The following TAFA1 variants were observed in gnomAD, a reference collection of about 807,000 sequenced individuals.
The protein encoded by TAFA1 is TAFA chemokine like family member 1.
A neutral mutation model predicts 18.5 loss-of-function variants in TAFA1; 4 were observed. That is an observed-to-expected ratio of 0.22 (90% CI 0.11 to 0.49). The LOEUF (loss-of-function observed/expected upper bound fraction) is 0.49, where lower values mean the gene tolerates loss of function less well. TAFA1 is among the 20% of genes least tolerant of loss of function. TAFA1 has a pLI of 0.98. For missense variants in TAFA1, 147 were observed against 169.0 expected (o/e 0.87, Z 0.72); for synonymous variants, 56 against 55.2 (o/e 1.01, Z -0.06).
chr3:68,436,857 T>A (rs892134909), intron 3 of TAFA1, among the ~76,000 whole-genome samples: 13 of 152,188 alleles, frequency 8.5e-5, no homozygotes, highest in African/African-American at 2.4e-4. Context: ...ACACCTTGGC[T>A]CTTGTTAACA....
At chr3:68,099,491 A>C (rs901725255) in intron 2 of TAFA1, among the ~76,000 whole-genome samples, 1 of 152,166 alleles carries the variant, frequency 6.6e-6, no homozygotes, top group Admixed American at 6.5e-5. Flanking sequence ...TATTATTAAA[A>C]AGTCAAAGAC....
intron 2 of TAFA1, among the ~76,000 whole-genome samples, chr3:68,394,174 C>T (rs567125819): frequency 1.3e-3 from 191 of 152,152 alleles, no homozygotes; most frequent in African/African-American, 4.4e-3. Context: ...CAAACAGAGC[C>T]AAATCATGAG....
chr3:68,079,920 G>A (rs2064875011), intron 2 of TAFA1, among the ~76,000 whole-genome samples: 1 of 151,968 alleles, frequency 6.6e-6, no homozygotes, highest in Non-Finnish European at 1.5e-5. Flanking sequence ...GGGTGTTAAA[G>A]TCTCCCATTA....
chr3:68,351,563 C>T (rs1210615457), intron 2 of TAFA1, among the ~76,000 whole-genome samples: 1 of 152,034 alleles, frequency 6.6e-6, no homozygotes, highest in Admixed American at 6.6e-5. Flanking sequence ...CTCGGAGTAG[C>T]TCTCTAAGAG....
chr3:68,173,333 A>T (rs180945851), intron 2 of TAFA1, among the ~76,000 whole-genome samples: 1 of 147,120 alleles, frequency 6.8e-6, no homozygotes, highest in Non-Finnish European at 1.5e-5. Context: ...AAATAAATAT[A>T]TATTCTGTCA....
chr3:68,374,738 T>C (rs1411484812), intron 2 of TAFA1, among the ~76,000 whole-genome samples: 1 of 152,210 alleles, frequency 6.6e-6, no homozygotes, highest in African/African-American at 2.4e-5. Context: ...AGTCGGTTAC[T>C]TCCAGGTCTC....
intron 2 of TAFA1, among the ~76,000 whole-genome samples, chr3:68,379,625 G>T (rs1216637142): frequency 5.9e-5 from 9 of 151,778 alleles, no homozygotes; most frequent in African/African-American, 1.9e-4. Context: ...TTAGAGGTTT[G>T]GGTTTTACAC....
chr3:68,133,546 G>A (rs1315968657), intron 2 of TAFA1, among the ~76,000 whole-genome samples: 1 of 152,128 alleles, frequency 6.6e-6, no homozygotes, highest in Non-Finnish European at 1.5e-5. Context: ...ATTTCCTCAA[G>A]CAGTGGTTTG....
chr3:68,366,677 G>A (rs538229652), intron 2 of TAFA1, among the ~76,000 whole-genome samples: 7 of 152,236 alleles, frequency 4.6e-5, no homozygotes, highest in South Asian at 2.1e-4. Flanking sequence ...CTTTGGACTC[G>A]GGACAGGTTA....
intron 2 of TAFA1, among the ~76,000 whole-genome samples, chr3:68,405,459 G>A (rs895842235): frequency 6.6e-6 from 1 of 151,670 alleles, no homozygotes; most frequent in African/African-American, 2.4e-5. Flanking sequence ...TTGAACCTAG[G>A]AGATCGAGAC....
At chr3:68,249,518 G>A (rs2067150428) in intron 2 of TAFA1, among the ~76,000 whole-genome samples, 1 of 152,130 alleles carries the variant, frequency 6.6e-6, no homozygotes, top group African/African-American at 2.4e-5. Flanking sequence ...AGCATAAGAA[G>A]AGTGGTGTTT....
chr3:68,145,451 G>T (rs2065727240), intron 2 of TAFA1: 9 of 871,352 alleles, frequency 1.0e-5, no homozygotes, highest in South Asian at 9.2e-5. Context: ...AGGCTTATTA[G>T]AACAAGGATG....
intron 2 of TAFA1, among the ~76,000 whole-genome samples, chr3:68,059,362 G>A (rs775067208): frequency 8.5e-5 from 13 of 152,192 alleles, no homozygotes; most frequent in East Asian, 3.9e-4. Flanking sequence ...ATTTGAATGC[G>A]TAGATGAGGA....
chr3:68,410,553 T>C (rs552954116), intron 2 of TAFA1, among the ~76,000 whole-genome samples: 34 of 152,088 alleles, frequency 2.2e-4, no homozygotes, highest in African/African-American at 7.9e-4. Context: ...GAAACAATAA[T>C]CTGGAAAATC....
intron 2 of TAFA1, among the ~76,000 whole-genome samples, chr3:68,327,794 G>A (rs1254813370): frequency 1.3e-5 from 2 of 152,062 alleles, no homozygotes; most frequent in African/African-American, 4.8e-5. Context: ...TATTAATGAA[G>A]GCTTTTCAAA....
At chr3:68,177,262 C>G (rs1012968362) in intron 2 of TAFA1, among the ~76,000 whole-genome samples, 1 of 152,160 alleles carries the variant, frequency 6.6e-6, no homozygotes, top group Non-Finnish European at 1.5e-5. Context: ...CGAATTTGCT[C>G]TGGGATATTT....
intron 2 of TAFA1, among the ~76,000 whole-genome samples, chr3:68,067,628 C>T (rs553108956): frequency 6.6e-6 from 1 of 152,246 alleles, no homozygotes; most frequent in South Asian, 2.1e-4. Context: ...GTTGTTATTG[C>T]AAGTTTTGAA....
chr3:68,502,221 A>T (rs1559696381), intron 3 of TAFA1, among the ~76,000 whole-genome samples: 1 of 152,180 alleles, frequency 6.6e-6, no homozygotes, highest in Non-Finnish European at 1.5e-5. Flanking sequence ...CAATTTAAAC[A>T]TATTAAGTTA....
At chr3:68,463,293 A>T (rs1050450921) in intron 3 of TAFA1, among the ~76,000 whole-genome samples, 1 of 152,178 alleles carries the variant, frequency 6.6e-6, no homozygotes, top group Non-Finnish European at 1.5e-5. Flanking sequence ...GTCAGAAAAA[A>T]GTTAAAGAAG....
Sources: allele counts gnomAD v4.1 joint callset (sites outside exome capture counted in the v4.1 genomes callset), GRCh38; gene constraint gnomAD v4.1.1; transcripts MANE v1.5; gene names NCBI Gene and HGNC (gene_info 2026-07-23, HGNC 2026-07-21).